Variants in SLC4A10 observed in about 807,000 individuals in gnomAD.
SLC4A10 encodes sodium-driven chloride bicarbonate exchanger.
SLC4A10 carries 42 observed loss-of-function variants against 137.7 expected under a neutral mutation model. That is an observed-to-expected ratio of 0.30 (90% confidence interval 0.24 to 0.39). The LOEUF is 0.39. Ranked by LOEUF, SLC4A10 falls within the 10% of genes least tolerant of loss-of-function variation. The pLI, the probability that SLC4A10 is intolerant of heterozygous loss-of-function variation, is 1.00. For synonymous variants in SLC4A10, 474 were observed against 464.1 expected, an observed-to-expected ratio of 1.02 and a Z score of -0.27; for missense variants, 925 against 1,355.0, an observed-to-expected ratio of 0.68 and a Z score of 4.98.
At chr2:161,928,366 C>T (rs1689619073) in intron 15 of SLC4A10, among the ~76,000 whole-genome samples, 1 of 97,412 alleles carries the variant, frequency 1.0e-5, no homozygotes, top group South Asian at 3.6e-4. Flanking sequence ...ACTCTGGGGA[C>T]TGTTGTGGGG....
At position 161,974,294 on chromosome 2, in the gene SLC4A10, C is replaced by A. The variant is rs1355709918; in HGVS notation, c.3205C>A (p.Leu1069Ile). ...TATGGAAGATGAGGGCACAGTACAA[C>A]TCCCATTGGAAGGGCACTATAGGTA... is the stretch of plus-strand genomic sequence containing the variant. The part of the protein sequence containing the change: ...LAMEDEGTVQ[L>I]PLEGHYRDDP... Residue 1069 changes from leucine to isoleucine, a missense_variant, in exon 24 of 27, where the codon CTC becomes ATC. This residue lies in a region of SLC4A10 where 84 missense variants were observed against 76.9 expected (regional missense o/e 1.09). Transcript: ENST00000446997. 1 of 1,607,668 alleles carries A rather than the reference C, an allele frequency of 6.2e-7. No individual in the cohort carries two copies. Among genetic ancestry groups the A allele is most frequent in the African/African-American group, 1.3e-5 (1 of 74,912 alleles).
At chr2:161,652,899 C>T (rs1226368342) in intron 1 of SLC4A10, among the ~76,000 whole-genome samples, 1 of 151,058 alleles carries the variant, frequency 6.6e-6, no homozygotes, top group African/African-American at 2.4e-5. Context: ...ATGTGCATAA[C>T]GTGCAGGTTT....
chr2:161,665,703 T>C (rs1558981681), intron 1 of SLC4A10, among the ~76,000 whole-genome samples: 1 of 151,418 alleles, frequency 6.6e-6, no homozygotes, highest in African/African-American at 2.4e-5. Flanking sequence ...AATTTAAATA[T>C]AAAAATTAAT....
At chr2:161,628,918 T>C (rs1558895875) in intron 1 of SLC4A10, among the ~76,000 whole-genome samples, 1 of 151,932 alleles carries the variant, frequency 6.6e-6, no homozygotes, top group Non-Finnish European at 1.5e-5. Flanking sequence ...AGTTAGAAAA[T>C]ATCTGGGCCA....
chr2:161,931,162 TA>T, intron 15 of SLC4A10: 1 of 152,276 alleles, frequency 6.6e-6, no homozygotes, highest in Middle Eastern at 3.4e-3. Flanking sequence ...CCATGTTTTT[TA>T]TCGAAGTCCC....
rs371626647 is a variant in SLC4A10 at position 161,789,683 on chromosome 2, A to G, written c.131-14766A>G. 6.6e-5 allele frequency among the ~76,000 whole-genome samples: 10 copies of G among 152,204 alleles called. No individual in the cohort carries two copies. In the East Asian group the frequency reaches 1.9e-3, roughly 29 times the overall value. On this transcript the variant is annotated intron_variant, in intron 2 of 26. Transcript: ENST00000446997. ...TCATTTGACTGAAACATCATTATGT[A>G]TGACTGTACATAACAAATTGCGAAT...
chr2:161,808,180 C>T (rs994050177), intron 3 of SLC4A10, among the ~76,000 whole-genome samples: 1 of 151,932 alleles, frequency 6.6e-6, no homozygotes. Flanking sequence ...TAAACATGTC[C>T]TATTTTCTAT....
chr2:161,845,305 CA>C (rs2059423451), intron 4 of SLC4A10, among the ~76,000 whole-genome samples: 1 of 152,054 alleles, frequency 6.6e-6, no homozygotes, highest in Non-Finnish European at 1.5e-5. Flanking sequence ...AAAGAATTGG[CA>C]TCATTCTGGA....
At chr2:161,948,542 C>A (rs1280108596) in intron 17 of SLC4A10, among the ~76,000 whole-genome samples, 1 of 152,034 alleles carries the variant, frequency 6.6e-6, no homozygotes, top group African/African-American at 2.4e-5. Context: ...TTAAAATAAA[C>A]TAGATCTGGA....
chr2:161,639,989 G>GATTTCTAAATAAATCAAGAA (rs2035046912), intron 1 of SLC4A10, among the ~76,000 whole-genome samples: 3 of 152,080 alleles, frequency 2.0e-5, no homozygotes, highest in Non-Finnish European at 4.4e-5. Flanking sequence ...GAAACTATCT[G>GATTTCTAAATAAATCAAGAA]AAAAATAAAT....
intron 1 of SLC4A10, among the ~76,000 whole-genome samples, chr2:161,753,853 G>GAGTT (rs1420529598): frequency 7.1e-4 from 91 of 128,160 alleles, no homozygotes; most frequent in African/African-American, 1.8e-3. Flanking sequence ...TAAATAACTC[G>GAGTT]AGTTATTTAT....
intron 1 of SLC4A10, among the ~76,000 whole-genome samples, chr2:161,668,244 A>G (rs1389826209): frequency 6.6e-6 from 1 of 151,808 alleles, no homozygotes; most frequent in Admixed American, 6.6e-5. Flanking sequence ...AGGGGAGAGG[A>G]AGAAGGGAAG....
At chr2:161,976,224 G>T (rs1699360762) in intron 24 of SLC4A10, among the ~76,000 whole-genome samples, 2 of 151,940 alleles carry the variant, frequency 1.3e-5, no homozygotes, top group African/African-American at 4.8e-5. Context: ...CAAAAATATT[G>T]TACAATAAAC....
At chr2:161,934,236 T>C (rs1691156259) in intron 15 of SLC4A10, among the ~76,000 whole-genome samples, 1 of 152,162 alleles carries the variant, frequency 6.6e-6, no homozygotes, top group Non-Finnish European at 1.5e-5. Context: ...CCCTGTTGTG[T>C]TATCAAATAC....
chr2:161,652,142 G>C (rs1476933026), intron 1 of SLC4A10, among the ~76,000 whole-genome samples: 1 of 152,098 alleles, frequency 6.6e-6, no homozygotes, highest in Non-Finnish European at 1.5e-5. Context: ...TCAGGGGAGG[G>C]GAAGCTCCAC....
chr2:161,969,178 G>T (rs1053912364), intron 23 of SLC4A10, among the ~76,000 whole-genome samples: 3 of 152,082 alleles, frequency 2.0e-5, no homozygotes. Context: ...AGCCTCCAGG[G>T]TTTTCCTATC....
chr2:161,956,029 G>A (rs1695602923), intron 19 of SLC4A10, among the ~76,000 whole-genome samples: 1 of 152,132 alleles, frequency 6.6e-6, no homozygotes, highest in Non-Finnish European at 1.5e-5. Context: ...AATTATATAA[G>A]TTATCTGATC....
At chr2:161,725,464 G>A (rs1462191110) in intron 1 of SLC4A10, among the ~76,000 whole-genome samples, 2 of 152,176 alleles carry the variant, frequency 1.3e-5, no homozygotes, top group Non-Finnish European at 2.9e-5. Flanking sequence ...ACTGAAAAAA[G>A]TAAGACAGCT....
intron 19 of SLC4A10, 116 bp from the exon 20 acceptor site, chr2:161,956,873 T>C (rs1559623731): frequency 3.5e-6 from 4 of 1,128,050 alleles, no homozygotes; most frequent in Non-Finnish European, 4.9e-6. Flanking sequence ...CTCCAGGAGA[T>C]CTGATATGAA....
Sources: allele counts gnomAD v4.1 joint callset (sites outside exome capture counted in the v4.1 genomes callset), GRCh38; gene constraint gnomAD v4.1.1; regional missense constraint gnomAD v4.1.1; transcripts MANE v1.5; gene names NCBI Gene and HGNC (gene_info 2026-07-23, HGNC 2026-07-21).